Variants in IFT140 observed in about 807,000 individuals in gnomAD.
IFT140 encodes intraflagellar transport 140, also known as intraflagellar transport protein 140 homolog.
IFT140 carries 133 observed loss-of-function variants against 164.6 expected under a neutral mutation model. The observed-to-expected ratio is 0.81, with a 90% CI of 0.70 to 0.93. The LOEUF (loss-of-function observed/expected upper bound fraction) is 0.93, where lower values mean the gene tolerates loss of function less well. Among genes scored for constraint, IFT140 ranks in the 40% least tolerant of loss-of-function variants. The pLI, the probability that IFT140 is intolerant of heterozygous loss-of-function variation, is 0.00. For synonymous variants in IFT140, 860 were observed against 817.3 expected (o/e 1.05, Z -0.89); for missense variants, 2,045 against 1,972.3 (o/e 1.04, Z -0.70).
At chr16:1,534,689 G>A (rs2030885252) in intron 19 of IFT140, 2 of 1,286,734 alleles carry the variant, frequency 1.6e-6, no homozygotes, top group East Asian at 2.4e-5. Context: ...CCTCTGGGCA[G>A]GCAGGAGGGG....
chr16:1,517,929 C>T (rs945744926), intron 30 of IFT140, among the ~76,000 whole-genome samples: 2 of 152,110 alleles, frequency 1.3e-5, no homozygotes, highest in East Asian at 3.9e-4. Context: ...CCTCAACCTC[C>T]TGGGCTCAAG....
At chr16:1,513,877 G>A (rs970573269) in intron 30 of IFT140, among the ~76,000 whole-genome samples, 15 of 142,650 alleles carry the variant, frequency 1.1e-4, no homozygotes, top group South Asian at 2.4e-4. Flanking sequence ...GTTTCACCGT[G>A]TTAGCCAAGA....
rs559008463 is a variant in IFT140 at position 1,612,052 on chromosome 16, C to G, written c.-306G>C. The G allele has an allele frequency of 6.6e-6, 1 of 152,288 alleles. No individual in the cohort carries two copies. The highest frequency in any genetic ancestry group is 2.4e-5 in the African/African-American group (1 of 41,456). The allele number at this position is 152,288 out of a possible 1,614,324, so 9.4% of individuals were successfully genotyped here. ...GAGCTACCACGCCGTTTTCTTCTCA[C>G]GTATCCGTCAACACTGCTGCGGCCA... On this transcript the variant is annotated 5_prime_UTR_variant, in exon 1 of 31. Transcript: ENST00000426508.
rs747462746 is a variant in IFT140, at chr16:1,607,154, G to A, written c.113C>T (p.Thr38Ile). The change falls in exon 3 of 31, where the codon ACC becomes ATC. Residue 38 changes from threonine (T) to isoleucine (I), a missense_variant. By Grantham distance (89) the Thr-to-Ile change is moderately conservative. Transcript: ENST00000426508. ...PFLAVAYISTTSTGSVDIYLE... is the reference protein window; with the variant it reads ...PFLAVAYISTISTGSVDIYLE... Reference sequence around the variant, plus strand: ...GTAAATATCCACGCTGCCTGTTGAGGTTGTGCTGATGTAAGCAACTGCCAA... The same window carrying A: ...GTAAATATCCACGCTGCCTGTTGAGATTGTGCTGATGTAAGCAACTGCCAA... 8 of 1,614,168 alleles carry A rather than the reference G, an allele frequency of 5.0e-6. No homozygotes were observed. In the East Asian group the frequency reaches 6.7e-5, roughly 13 times the overall value.
In IFT140 at chr16:1,527,508, T is replaced by C. The variant is rs182793937; in HGVS notation, c.2400-712A>G. Among the ~76,000 whole-genome samples, 71 of 152,230 alleles carry C rather than the reference T, an allele frequency of 4.7e-4. No individual in the cohort carries two copies. In the Middle Eastern group the frequency reaches 0.01, roughly 22 times the overall value. ...ATTTTGTGTGTGTGAAGGAACAGGG[T>C]GCCAAGTGGGCAGAGCTGCGTCAGG... On this transcript the variant is annotated intron_variant, in intron 19 of 30. Coordinates refer to ENST00000426508, the MANE Select transcript of IFT140 (RefSeq NM_014714.4).
chr16:1,568,575 G>A (rs2033850721), intron 14 of IFT140, among the ~76,000 whole-genome samples: 1 of 152,124 alleles, frequency 6.6e-6, no homozygotes, highest in Non-Finnish European at 1.5e-5. Flanking sequence ...TCTTGTTCAA[G>A]TAGCTTATTA....
chr16:1,519,461 C>T (rs892968728), intron 29 of IFT140, among the ~76,000 whole-genome samples: 1 of 152,164 alleles, frequency 6.6e-6, no homozygotes, highest in African/African-American at 2.4e-5. Context: ...TCTCCACAAG[C>T]TTGGAGCTGG....
At chr16:1,576,882 T>C (rs1384098395) in intron 13 of IFT140, 1 of 152,232 alleles carries the variant, frequency 6.6e-6, no homozygotes, top group Non-Finnish European at 1.5e-5. Flanking sequence ...ATCGTGCTCC[T>C]GTCGGCATTT....
chr16:1,578,442 T>G (rs1662694206), intron 13 of IFT140: 2 of 152,052 alleles, frequency 1.3e-5, no homozygotes, highest in Non-Finnish European at 2.9e-5. Context: ...CTGCACACAG[T>G]GGGCTGAATG....
Position 1,566,215 on chromosome 16 carries a change from G to C in IFT140, c.1847C>G (p.Thr616Ser). 1.9e-6 allele frequency: 3 copies of C among 1,613,886 alleles called. No individual in the cohort carries two copies. Among genetic ancestry groups the C allele is most frequent in the Non-Finnish European group, 2.5e-6 (3 of 1,179,750 alleles). ...CGTCTCTCTCCGATCAATTTGTCCA[G>C]TCTTGAAGTCAAAGACGGTCACTGT... ...MDTVTVFDFKTGQIDRRETLS... is the reference protein window; with the variant it reads ...MDTVTVFDFKSGQIDRRETLS... Residue 616 changes from threonine (T) to serine (S), a missense_variant, in exon 16 of 31, where the codon ACT becomes AGT. Physicochemically the swap from Thr to Ser is moderately conservative, Grantham distance 58. Transcript: ENST00000426508.
chr16:1,557,331 C>T (rs1300262722), intron 19 of IFT140, among the ~76,000 whole-genome samples: 3 of 152,152 alleles, frequency 2.0e-5, no homozygotes, highest in Admixed American at 6.5e-5. Context: ...GACAGCGGGC[C>T]GGGGTCCTGC....
At chr16:1,562,719 C>G (rs1346846884) in intron 17 of IFT140, among the ~76,000 whole-genome samples, 1 of 152,126 alleles carries the variant, frequency 6.6e-6, no homozygotes, top group Non-Finnish European at 1.5e-5. Flanking sequence ...TTGCAGTGAG[C>G]TGAGATCATG....
At chr16:1,512,066 G>A (rs1454555947) in intron 30 of IFT140, among the ~76,000 whole-genome samples, 1 of 149,718 alleles carries the variant, frequency 6.7e-6, no homozygotes, top group Admixed American at 6.7e-5. Flanking sequence ...TTCGGAGAGG[G>A]CAATCAAGTG....
intron 13 of IFT140, among the ~76,000 whole-genome samples, chr16:1,572,231 G>A (rs978450567): frequency 1.3e-5 from 2 of 152,208 alleles, no homozygotes; most frequent in African/African-American, 4.8e-5. Flanking sequence ...CCTTCTAAGT[G>A]AAACTGGAAG....
At chr16:1,590,677 G>C (rs890838997) in intron 6 of IFT140, among the ~76,000 whole-genome samples, 3 of 152,148 alleles carry the variant, frequency 2.0e-5, no homozygotes, top group African/African-American at 7.2e-5. Context: ...GCTCATTTTT[G>C]CTGCTCTGTG....
intron 7 of IFT140, among the ~76,000 whole-genome samples, chr16:1,588,530 T>A (rs957162870): frequency 4.7e-5 from 7 of 149,270 alleles, no homozygotes; most frequent in Admixed American, 1.3e-4. Context: ...GTCTCAAAAA[T>A]AATAATAATA....
chr16:1,603,470 A>G (rs1022460556), intron 3 of IFT140, among the ~76,000 whole-genome samples: 6 of 151,634 alleles, frequency 4.0e-5, no homozygotes, highest in Admixed American at 3.9e-4. Context: ...CTTGTGAGAT[A>G]TGTGCTGCGT....
intron 20 of IFT140, 88 bp downstream of exon 20, chr16:1,526,531 C>A: frequency 7.7e-7 from 1 of 1,299,908 alleles, no homozygotes; most frequent in South Asian, 1.5e-5. Flanking sequence ...AGGCTCAGGC[C>A]GGTGGGCGTG....
At chr16:1,584,736 G>A (rs1386704173) in intron 10 of IFT140, among the ~76,000 whole-genome samples, 2 of 152,118 alleles carry the variant, frequency 1.3e-5, no homozygotes, top group Non-Finnish European at 2.9e-5. Context: ...GTGTGACATA[G>A]GGATGTTTAT....
Sources: gnomAD v4.1 joint callset for allele counts (sites outside exome capture counted in the v4.1 genomes callset) on GRCh38, gnomAD v4.1.1 for gene constraint, MANE v1.5 for transcripts, NCBI Gene and HGNC (gene_info 2026-07-23, HGNC 2026-07-21) for gene names.